Variants in METTL8 observed in about 807,000 individuals in gnomAD.
METTL8 encodes tRNA N(3)-cytidine methyltransferase METTL8, mitochondrial.
In METTL8, 32 loss-of-function variants were observed where a neutral mutation model predicts 48.7. The ratio of observed to expected loss-of-function variants is 0.66; its 90% CI spans 0.50 to 0.88. The LOEUF is 0.88. Among genes scored for constraint, METTL8 ranks in the 40% least tolerant of loss-of-function variants. The pLI, the probability that METTL8 is intolerant of heterozygous loss-of-function variation, is 0.00. For synonymous variants in METTL8, 136 were observed against 157.1 expected (o/e 0.87, Z 1.01); for missense variants, 464 against 474.4 (o/e 0.98, Z 0.20).
At chr2:171,379,071 T>C (rs1384127847) in intron 2 of METTL8, among the ~76,000 whole-genome samples, 1 of 152,146 alleles carries the variant, frequency 6.6e-6, no homozygotes, top group Non-Finnish European at 1.5e-5. Context: ...TCAGACCACA[T>C]TACAATCAAA....
rs1389198450 is a variant in METTL8, at chr2:171,317,401, C to G, written c.*6771G>C. On this transcript the variant is annotated 3_prime_UTR_variant, in exon 10 of 10. Transcript: ENST00000375258. ...CCAACTAGGAAAGACGATGCTGGAG[C>G]TTTAGGAGGCAATCAAAGGCTCATT... The G allele has an allele frequency of 6.6e-6, 1 of 152,142 alleles. No individual in the cohort carries two copies. Among genetic ancestry groups the G allele is most frequent in the Non-Finnish European group, 1.5e-5 (1 of 68,034 alleles). The allele number at this position is 152,142 out of a possible 1,614,324, so 9.4% of individuals were successfully genotyped here.
intron 2 of METTL8, among the ~76,000 whole-genome samples, chr2:171,380,445 G>C (rs534261310): frequency 6.6e-6 from 1 of 152,310 alleles, no homozygotes; most frequent in East Asian, 1.9e-4. Flanking sequence ...AATAGGAAGA[G>C]AGGAAGCCAA....
At chr2:171,418,913 C>T (rs1237390015) in intron 1 of METTL8, among the ~76,000 whole-genome samples, 1 of 152,004 alleles carries the variant, frequency 6.6e-6, no homozygotes, top group South Asian at 2.1e-4. Context: ...CGAGATCATG[C>T]CACTGTACTC....
chr2:171,334,172 T>C (rs1251858915), intron 5 of METTL8, among the ~76,000 whole-genome samples: 1 of 152,240 alleles, frequency 6.6e-6, no homozygotes, highest in East Asian at 1.9e-4. Context: ...TAGCTCATTA[T>C]AAAAGGTCTG....
At chr2:171,430,357 C>T (rs1017784550) in intron 1 of METTL8, among the ~76,000 whole-genome samples, 2 of 150,190 alleles carry the variant, frequency 1.3e-5, no homozygotes, top group African/African-American at 2.5e-5. Context: ...GACTCCATCT[C>T]AAAAACAAAA....
chr2:171,383,647 C>G (rs1559148834), intron 2 of METTL8, among the ~76,000 whole-genome samples: 1 of 152,114 alleles, frequency 6.6e-6, no homozygotes, highest in Non-Finnish European at 1.5e-5. Context: ...TGGCCGAGAT[C>G]CCTTGAAAAG....
chr2:171,372,968 G>C (rs897187999), intron 2 of METTL8, among the ~76,000 whole-genome samples: 80 of 152,246 alleles, frequency 5.3e-4, no homozygotes, highest in African/African-American at 1.9e-3. Context: ...CTTTATAGCA[G>C]CATGATTTAT....
intron 1 of METTL8, 34 bp from the exon 2 acceptor site, chr2:171,392,231 AGAT>A: frequency 6.6e-7 from 1 of 1,519,096 alleles, no homozygotes; most frequent in Non-Finnish European, 8.9e-7. Context: ...TAGTCAACAT[AGAT>A]TAAACAGTGT....
intron 7 of METTL8, among the ~76,000 whole-genome samples, chr2:171,329,173 T>A (rs1422680294): frequency 6.6e-6 from 1 of 151,424 alleles, no homozygotes; most frequent in Non-Finnish European, 1.5e-5. Context: ...GGTTTCACAG[T>A]AGAAACGAGG....
At chr2:171,378,083 T>C (rs1687154514) in intron 2 of METTL8, among the ~76,000 whole-genome samples, 1 of 152,114 alleles carries the variant, frequency 6.6e-6, no homozygotes, top group African/African-American at 2.4e-5. Context: ...AGTTCACACA[T>C]AACAATATTA....
intron 1 of METTL8, among the ~76,000 whole-genome samples, chr2:171,399,359 G>A (rs1689422895): frequency 6.6e-6 from 1 of 152,152 alleles, no homozygotes; most frequent in African/African-American, 2.4e-5. Flanking sequence ...CTTCCTGCCA[G>A]CTCTAGGTGT....
intron 3 of METTL8, among the ~76,000 whole-genome samples, chr2:171,349,772 A>G (rs925274123): frequency 1.3e-5 from 2 of 152,070 alleles, no homozygotes; most frequent in East Asian, 1.9e-4. Context: ...CCATTTTACA[A>G]TCTTACCAAC....
rs1303065772 is a variant in METTL8, at chr2:171,352,703, A to G, written c.235+7719T>C. 3.9e-5 allele frequency among the ~76,000 whole-genome samples: 6 copies of G among 152,076 alleles called. No individual in the cohort carries two copies. In the East Asian group the frequency reaches 7.7e-4, roughly 20 times the overall value. On this transcript the variant is annotated intron_variant, in intron 3 of 9. Transcript: ENST00000375258. ...CTTCCTGGTTTAGTCTTGAGAGGGTATAAGTGTCCAGGAATTTATCCATTT... is the reference window on the plus strand; with the variant it reads ...CTTCCTGGTTTAGTCTTGAGAGGGTGTAAGTGTCCAGGAATTTATCCATTT...
intron 1 of METTL8, among the ~76,000 whole-genome samples, chr2:171,419,943 G>GTA (rs1435709461): frequency 6.6e-6 from 1 of 151,932 alleles, no homozygotes; most frequent in African/African-American, 2.4e-5. Context: ...AGAATGTACT[G>GTA]TATATCATTG....
intron 1 of METTL8, among the ~76,000 whole-genome samples, chr2:171,401,455 G>A (rs567524617): frequency 6.8e-4 from 103 of 152,226 alleles, no homozygotes; most frequent in Non-Finnish European, 1.0e-3. Context: ...GTAAGTATTT[G>A]CAGAGCATTT....
intron 3 of METTL8, among the ~76,000 whole-genome samples, chr2:171,344,240 T>C (rs1687056705): frequency 6.6e-6 from 1 of 152,214 alleles, no homozygotes; most frequent in Non-Finnish European, 1.5e-5. Context: ...GATTTTATTA[T>C]TCCAATTTGC....
intron 7 of METTL8, among the ~76,000 whole-genome samples, chr2:171,329,795 C>T (rs913703974): frequency 6.6e-6 from 1 of 152,220 alleles, no homozygotes; most frequent in Admixed American, 6.5e-5. Context: ...GTGGTTGACG[C>T]CAAGTCTGTA....
intron 2 of METTL8, chr2:171,375,028 A>T (rs1357510326): frequency 4.8e-6 from 5 of 1,049,340 alleles, no homozygotes; most frequent in Non-Finnish European, 7.4e-6. Flanking sequence ...TCGATTCCTG[A>T]CTACTTTGCT....
At chr2:171,405,461 T>C (rs1690079467) in intron 1 of METTL8, among the ~76,000 whole-genome samples, 1 of 152,218 alleles carries the variant, frequency 6.6e-6, no homozygotes, top group South Asian at 2.1e-4. Flanking sequence ...CAAGGTGATT[T>C]GAAACCTGGC....
Sources: allele counts gnomAD v4.1 joint callset (sites outside exome capture counted in the v4.1 genomes callset), GRCh38; gene constraint gnomAD v4.1.1; transcripts MANE v1.5; gene names NCBI Gene and HGNC (gene_info 2026-07-23, HGNC 2026-07-21).